Variants in RNF212B observed in about 807,000 individuals in gnomAD.
The protein encoded by RNF212B is ring finger protein 212B, also known as E3 ubiquitin-protein ligase RNF212B.
In RNF212B, 52 loss-of-function variants were observed where a neutral mutation model predicts 55.5. The observed-to-expected ratio is 0.94, with a 90% confidence interval of 0.75 to 1.18. The LOEUF (loss-of-function observed/expected upper bound fraction) is 1.18. Among genes scored for constraint, RNF212B ranks in the 50% most tolerant of loss-of-function variants. The probability of loss-of-function intolerance (pLI) is 0.00; values close to 1 mark genes in which losing one functional copy is unlikely to be tolerated. For missense variants in RNF212B, 289 were observed against 350.4 expected (o/e 0.82, Z 1.40); for synonymous variants, 99 against 121.4 (o/e 0.82, Z 1.21).
At chr14:23,243,984 A>G (rs1160289152) in intron 3 of RNF212B, among the ~76,000 whole-genome samples, 1 of 152,082 alleles carries the variant, frequency 6.6e-6, no homozygotes, top group African/African-American at 2.4e-5. Flanking sequence ...AGGCTGAGGC[A>G]GAAGAATCAC....
chr14:23,222,263 AAAG>A (rs1773218178), intron 2 of RNF212B, among the ~76,000 whole-genome samples: 1 of 152,100 alleles, frequency 6.6e-6, no homozygotes, highest in Admixed American at 6.6e-5. Flanking sequence ...TAAGAAAAAA[AAAG>A]AAGACCCAAA....
intron 2 of RNF212B, among the ~76,000 whole-genome samples, chr14:23,198,631 G>A (rs1196453663): frequency 6.6e-6 from 1 of 150,876 alleles, no homozygotes; most frequent in Non-Finnish European, 1.5e-5. Flanking sequence ...AGCCGAGATC[G>A]CGCCATGGCA....
intron 4 of RNF212B, among the ~76,000 whole-genome samples, chr14:23,244,977 A>G (rs1883885729): frequency 6.6e-6 from 1 of 152,232 alleles, no homozygotes; most frequent in African/African-American, 2.4e-5. Context: ...AGAAGAAGGT[A>G]GAGAGAAGGC....
intron 2 of RNF212B, among the ~76,000 whole-genome samples, chr14:23,193,604 A>T (rs1594856268): frequency 1.3e-5 from 2 of 152,174 alleles, no homozygotes; most frequent in African/African-American, 4.8e-5. Context: ...TTATCTAATG[A>T]GTCTAAGAAG....
intron 11 of RNF212B, among the ~76,000 whole-genome samples, chr14:23,266,404 G>GTTTT (rs57731750): frequency 0.043 from 1,990 of 46,214 alleles, 206 homozygotes; most frequent in African/African-American, 0.088. Flanking sequence ...CCTTTTAAAT[G>GTTTT]TTTTTTTTTT....
intron 11 of RNF212B, among the ~76,000 whole-genome samples, chr14:23,267,336 T>C (rs1252745490): frequency 6.6e-6 from 1 of 152,198 alleles, no homozygotes; most frequent in Non-Finnish European, 1.5e-5. Flanking sequence ...TTTTGCTTCA[T>C]GTATTTTAGG....
At chr14:23,239,346 C>T (rs1360132347) in intron 1 of RNF212B, among the ~76,000 whole-genome samples, 1 of 152,110 alleles carries the variant, frequency 6.6e-6, no homozygotes, top group African/African-American at 2.4e-5. Flanking sequence ...AGGTGTGAGA[C>T]ACCATGCTTG....
intron 2 of RNF212B, among the ~76,000 whole-genome samples, chr14:23,215,496 C>T (rs933864978): frequency 1.2e-4 from 18 of 152,258 alleles, no homozygotes; most frequent in Admixed American, 5.2e-4. Flanking sequence ...CAGAGCAAGA[C>T]TCTGTATCTT....
chr14:23,212,905 C>CT (rs137935553), intron 2 of RNF212B, among the ~76,000 whole-genome samples: 3,766 of 151,292 alleles, frequency 0.025, 155 homozygotes, highest in African/African-American at 0.086. Flanking sequence ...GAAGTAATTT[C>CT]TTTTTTGCCA....
At chr14:23,234,478 A>G (rs1225853855), upstream of RNF212B, among the ~76,000 whole-genome samples, 6 of 152,200 alleles carry the variant, frequency 3.9e-5, no homozygotes, top group African/African-American at 2.4e-5. Context: ...GATCCATTTG[A>G]AATTTATCCT....
chr14:23,203,160 C>T (rs78166639), intron 2 of RNF212B, among the ~76,000 whole-genome samples: 53,688 of 151,064 alleles, frequency 0.36, 9,720 homozygotes, highest in Middle Eastern at 0.51. Flanking sequence ...CCCAAAGTCC[C>T]CAAAGTCCAT....
In RNF212B at chr14:23,259,065, A is replaced by G. The variant is rs10145616; in HGVS notation, c.344+401A>G. ...AAATTAGCCAGACATGGTGGTTCACACCTGTAGTCCCAGCTACTTGGGAGG... is the reference window on the plus strand; with the variant it reads ...AAATTAGCCAGACATGGTGGTTCACGCCTGTAGTCCCAGCTACTTGGGAGG... On this transcript the variant is annotated intron_variant, in intron 5 of 14. Transcript: ENST00000430154. 5.5e-3 allele frequency among the ~76,000 whole-genome samples: 829 copies of G among 151,920 alleles called. 7 individuals carry two copies. The highest frequency in any genetic ancestry group is 0.019 in the African/African-American group (780 of 41,474).
At chr14:23,208,722 CACAG>C (rs1319663453) in intron 2 of RNF212B, among the ~76,000 whole-genome samples, 3 of 149,256 alleles carry the variant, frequency 2.0e-5, no homozygotes, top group Non-Finnish European at 4.4e-5. Flanking sequence ...ATGGCTACTT[CACAG>C]ACAGAGCAGT....
upstream of RNF212B, among the ~76,000 whole-genome samples, chr14:23,236,959 CTCTTTT>C (rs1883150926): frequency 7.2e-6 from 1 of 139,120 alleles, no homozygotes. Flanking sequence ...TTCTGTCTCT[CTCTTTT>C]TTTTTTTTTT....
intron 2 of RNF212B, among the ~76,000 whole-genome samples, chr14:23,224,526 T>C (rs1014122741): frequency 3.9e-5 from 6 of 152,162 alleles, no homozygotes; most frequent in Non-Finnish European, 5.9e-5. Context: ...CAGCAAATAG[T>C]GCTGGGAAAA....
chr14:23,207,443 T>C (rs944349606), intron 2 of RNF212B, among the ~76,000 whole-genome samples: 5 of 152,176 alleles, frequency 3.3e-5, no homozygotes, highest in Non-Finnish European at 7.4e-5. Flanking sequence ...GCCTTCCTGT[T>C]GGAAGCAAGT....
chr14:23,200,098 A>C (rs1479513422), intron 2 of RNF212B, among the ~76,000 whole-genome samples: 1 of 151,438 alleles, frequency 6.6e-6, no homozygotes. Context: ...CTCTCTCTCT[A>C]GTTTCCCATT....
chr14:23,222,266 G>A (rs906444676), intron 2 of RNF212B, among the ~76,000 whole-genome samples: 1 of 151,432 alleles, frequency 6.6e-6, no homozygotes, highest in Non-Finnish European at 1.5e-5. Flanking sequence ...GAAAAAAAAA[G>A]AAGACCCAAA....
intron 12 of RNF212B, among the ~76,000 whole-genome samples, chr14:23,269,356 A>G (rs1885913654): frequency 6.6e-6 from 1 of 152,154 alleles, no homozygotes; most frequent in African/African-American, 2.4e-5. Flanking sequence ...TTACTTCTCC[A>G]CTGGCTTGTA....
Sources: allele counts gnomAD v4.1 joint callset (sites outside exome capture counted in the v4.1 genomes callset), GRCh38; gene constraint gnomAD v4.1.1; transcripts MANE v1.5; gene names NCBI Gene and HGNC (gene_info 2026-07-23, HGNC 2026-07-21).